The following SMIM23 variants were observed in gnomAD, a reference collection of about 807,000 sequenced individuals.
SMIM23 encodes the protein small integral membrane protein 23.
In SMIM23, 10 loss-of-function variants were observed where a neutral mutation model predicts 12.8. That is an observed-to-expected ratio of 0.78 (90% confidence interval 0.48 to 1.32). The LOEUF (loss-of-function observed/expected upper bound fraction) is 1.32, where lower values mean the gene tolerates loss of function less well. Ranked by LOEUF, SMIM23 falls within the 40% of genes most tolerant of loss-of-function variation. The probability of loss-of-function intolerance (pLI) is 0.00; values close to 1 mark genes in which losing one functional copy is unlikely to be tolerated. For synonymous variants in SMIM23, 78 were observed against 80.1 expected (o/e 0.97, Z 0.14); for missense variants, 184 against 198.2 (o/e 0.93, Z 0.43).
Position 171,785,860 on chromosome 5 carries a change from A to G in SMIM23, c.-12A>G, listed in dbSNP as rs1755806630. On this transcript the variant is annotated 5_prime_UTR_variant, in exon 1 of 4. Transcript: ENST00000523047. The stretch of plus-strand genomic sequence containing the variant: ...TTGAGTGTGGTCCACCCAGGCAGCC[A>G]GATCTGAGGCCATGGCAACCCAGCA... 6.5e-7 allele frequency: 1 copy of G among 1,535,814 alleles called. No individual in the cohort carries two copies. The highest frequency in any genetic ancestry group is 8.7e-7 in the Non-Finnish European group (1 of 1,146,560).
the SMIM23 span, among the ~76,000 whole-genome samples, chr5:171,775,126 T>C: frequency 6.6e-6 from 1 of 152,162 alleles, no homozygotes; most frequent in Non-Finnish European, 1.5e-5. Context: ...CCACGTTCAT[T>C]TGACAAATAG....
upstream of SMIM23, among the ~76,000 whole-genome samples, chr5:171,779,244 A>G (rs531997965): frequency 6.6e-6 from 1 of 152,212 alleles, no homozygotes; most frequent in Non-Finnish European, 1.5e-5. Flanking sequence ...AGTTCTCACC[A>G]CACTGAACCC....
In SMIM23 at chr5:171,790,568, T is replaced by G; in HGVS notation, c.225+19T>G. On this transcript the variant is annotated intron_variant, in intron 3 of 3. Coordinates refer to ENST00000523047, the MANE Select transcript of SMIM23 (RefSeq NM_001289970.2). ...TCCCCAGGTAACATGTCCAGCAAGGTACTGAGGTGAGGCAATCTGGGAAGG... is the reference window on the plus strand; with the variant it reads ...TCCCCAGGTAACATGTCCAGCAAGGGACTGAGGTGAGGCAATCTGGGAAGG... The G allele has an allele frequency of 6.5e-7, 1 of 1,535,734 alleles. No individual in the cohort carries two copies. The highest frequency in any genetic ancestry group is 8.7e-7 in the Non-Finnish European group (1 of 1,146,160).
Position 171,790,271 on chromosome 5 carries a change from A to G in SMIM23, c.147A>G (p.Thr49=). 6.5e-7 allele frequency: 1 copy of G among 1,536,084 alleles called. No homozygotes were observed. Among genetic ancestry groups the G allele is most frequent in the South Asian group, 1.2e-5 (1 of 84,054 alleles). The change falls in exon 2 of 4, where the codon ACA becomes ACG. Residue 49 remains threonine (T), a synonymous_variant. Transcript: ENST00000523047. ...ALLILVLYLS[T]EIWGSSWEVS... is the part of the protein sequence containing the mutation. ...TGATCTTGGTGCTGTACTTGAGCACAGAGATATGGGGTGAGCATTCTGGAA... is the reference window on the plus strand; with the variant it reads ...TGATCTTGGTGCTGTACTTGAGCACGGAGATATGGGGTGAGCATTCTGGAA...
upstream of SMIM23, among the ~76,000 whole-genome samples, chr5:171,778,447 T>TCACACACACACACACA (rs4041455): frequency 3.5e-5 from 5 of 141,548 alleles, no homozygotes. Flanking sequence ...TGGGAAAATT[T>TCACACACACACACACA]CACACACACA....
chr5:171,774,450 C>T, the SMIM23 span: 93 of 456,218 alleles, frequency 2.0e-4, no homozygotes, highest in African/African-American at 1.5e-3. Context: ...CACAGCTCAC[C>T]GTCGGACCTC....
chr5:171,785,973 G>A lies in SMIM23; in HGVS notation c.102G>A (p.Lys34=), dbSNP rs1367010244. Residue 34 remains lysine, a synonymous_variant, in exon 1 of 4, where the codon AAG becomes AAA. Transcript: ENST00000523047. ...GGGGCAGCCACTGTGATGACGAGAA[G>A]CAGGTGAGGCCAGGCCAGGTACATG... The part of the protein sequence containing the change: ...RRRGSHCDDE[K]QTLLALLILV... The A allele has an allele frequency of 9.8e-6, 15 of 1,536,138 alleles. No individual in the cohort carries two copies. The highest frequency in any genetic ancestry group is 1.2e-5 in the Non-Finnish European group (14 of 1,146,814).
intron 1 of SMIM23, among the ~76,000 whole-genome samples, chr5:171,786,248 G>A (rs1386075013): frequency 3.3e-5 from 5 of 152,186 alleles, no homozygotes; most frequent in Admixed American, 2.6e-4. Flanking sequence ...CTAGTGCCTA[G>A]CATGGTGCTT....
intron 1 of SMIM23, among the ~76,000 whole-genome samples, chr5:171,787,701 T>C (rs1312734413): frequency 6.6e-6 from 1 of 152,258 alleles, no homozygotes; most frequent in Non-Finnish European, 1.5e-5. Context: ...TTGCATTGGG[T>C]GTACACACAG....
rs189709273 is a variant in SMIM23 at position 171,787,216 on chromosome 5, C to T, written c.105+1240C>T. Among the ~76,000 whole-genome samples the T allele has an allele frequency of 8.7e-4, 133 of 152,070 alleles. 2 individuals carry two copies. The highest frequency in any genetic ancestry group is 2.9e-3 in the African/African-American group (122 of 41,482). ...TGTATTTTTAGTAGAGACAGGGTTT[C>T]GCCATATTGGCCAGGCTGGTCTCGA... On this transcript the variant is annotated intron_variant, in intron 1 of 3. Coordinates refer to ENST00000523047, the MANE Select transcript of SMIM23 (RefSeq NM_001289970.2).
At position 171,785,920 on chromosome 5, in the gene SMIM23, G is replaced by A; in HGVS notation, c.49G>A (p.Val17Met). 1.3e-6 allele frequency: 2 copies of A among 1,536,258 alleles called. No homozygotes were observed. Among genetic ancestry groups the A allele is most frequent in the Non-Finnish European group, 1.7e-6 (2 of 1,146,942 alleles). ...CAGAAGGCAGGTGGCAGCAGAGCAG[G>A]TGGCAGCCCAGCTGCTTGAACGGAG... ...DSRRQVAAEQ[V>M]AAQLLERRRG... The change falls in exon 1 of 4, where the codon GTG (valine) becomes ATG (methionine). Residue 17 changes from valine (V) to methionine (M), a missense_variant. Val to Met is a conservative substitution (Grantham distance 21). Coordinates refer to ENST00000523047, the MANE Select transcript of SMIM23 (RefSeq NM_001289970.2).
rs1220989172 is a variant in SMIM23 at position 171,785,912 on chromosome 5, C to T, written c.41C>T (p.Ala14Val). 1.3e-6 allele frequency: 2 copies of T among 1,536,136 alleles called. No individual in the cohort carries two copies. The highest frequency in any genetic ancestry group is 1.4e-5 in the African/African-American group (1 of 73,054). The part of the protein sequence containing the change: ...QQVDSRRQVA[A>V]EQVAAQLLER... ...GTGGACAGCAGAAGGCAGGTGGCAG[C>T]AGAGCAGGTGGCAGCCCAGCTGCTT... Residue 14 changes from alanine to valine, a missense_variant, in exon 1 of 4, where the codon GCA (alanine) becomes GTA (valine). Transcript: ENST00000523047.
chr5:171,785,849 C>T lies in SMIM23; in HGVS notation c.-23C>T, dbSNP rs1265893283. The T allele has an allele frequency of 6.5e-7, 1 of 1,531,338 alleles. No homozygotes were observed. The highest frequency in any genetic ancestry group is 1.4e-5 in the African/African-American group (1 of 72,900). The allele number at this position is 1,531,338 out of a possible 1,614,324, so 94.9% of individuals were successfully genotyped here. A position where few individuals can be genotyped will look rare whatever the true frequency, so the allele number is the denominator to read the frequency against. ...CCTTCTGTCTGTTGAGTGTGGTCCA[C>T]CCAGGCAGCCAGATCTGAGGCCATG... On this transcript the variant is annotated 5_prime_UTR_variant, in exon 1 of 4. Transcript: ENST00000523047.
chr5:171,773,544 A>T, the SMIM23 span: 3 of 332,676 alleles, frequency 9.0e-6, no homozygotes, highest in East Asian at 1.8e-4. Flanking sequence ...TTTCCCTCAC[A>T]TGGGAGCTGG....
chr5:171,781,329 TAAGGAG>T (rs1755721953), upstream of SMIM23, among the ~76,000 whole-genome samples: 1 of 152,182 alleles, frequency 6.6e-6, no homozygotes, highest in South Asian at 2.1e-4. Context: ...ACATGTATAC[TAAGGAG>T]CAGACAAGAC....
At chr5:171,776,341 G>A in the SMIM23 span, among the ~76,000 whole-genome samples, 5 of 152,272 alleles carry the variant, frequency 3.3e-5, no homozygotes, top group East Asian at 1.9e-4. Flanking sequence ...ACAACACAAC[G>A]CGCCCGAGGC....
intron 1 of SMIM23, among the ~76,000 whole-genome samples, chr5:171,788,684 C>G (rs1755863795): frequency 6.6e-6 from 1 of 151,820 alleles, no homozygotes; most frequent in Non-Finnish European, 1.5e-5. Context: ...AACTACAGGC[C>G]CAAAAGTTTT....
Position 171,790,509 on chromosome 5 carries a change from T to A in SMIM23, c.185T>A (p.Ile62Asn). ...AGCAGTTGGGAGGTGTCAGAAAGGA[T>A]CAGAGAATGTAACTACTACCAGAAT... ...WGSSWEVSER[I>N]RECNYYQNLA... Residue 62 changes from isoleucine (I) to asparagine (N), a missense_variant, in exon 3 of 4, where the codon ATC becomes AAC. By Grantham distance (149) the Ile-to-Asn change is moderately radical. Coordinates refer to ENST00000523047, the MANE Select transcript of SMIM23 (RefSeq NM_001289970.2). The A allele has an allele frequency of 6.5e-7, 1 of 1,536,748 alleles. No individual in the cohort carries two copies. The highest frequency in any genetic ancestry group is 8.7e-7 in the Non-Finnish European group (1 of 1,147,060).
the SMIM23 span, chr5:171,774,195 G>A: frequency 6.4e-5 from 23 of 357,292 alleles, no homozygotes; most frequent in African/African-American, 3.4e-4. Flanking sequence ...TGGTTGTTGC[G>A]ATTGCTGTTG....
Sources: allele counts gnomAD v4.1 joint callset (sites outside exome capture counted in the v4.1 genomes callset), GRCh38; gene constraint gnomAD v4.1.1; transcripts MANE v1.5; gene names NCBI Gene and HGNC (gene_info 2026-07-23, HGNC 2026-07-21).